PTPRD: variants seen among roughly 807,000 people sequenced by gnomAD.
The protein encoded by PTPRD is receptor-type tyrosine-protein phosphatase delta.
Under a neutral mutation model 214.5 loss-of-function variants are expected in PTPRD, and 34 were observed. That is an observed-to-expected ratio of 0.16 (90% CI 0.12 to 0.21). The LOEUF (loss-of-function observed/expected upper bound fraction) is 0.21, where lower values mean the gene tolerates loss of function less well. Among genes scored for constraint, PTPRD ranks in the 10% least tolerant of loss-of-function variants. PTPRD has a pLI of 1.00. For missense variants in PTPRD, 2,545 were observed against 2,398.7 expected, an observed-to-expected ratio of 1.06 and a Z score of -1.27; for synonymous variants, 1,128 against 845.7, an observed-to-expected ratio of 1.33 and a Z score of -5.79.
chr9:8,757,071 G>A (rs1374026836), intron 11 of PTPRD, among the ~76,000 whole-genome samples: 2 of 152,198 alleles, frequency 1.3e-5, no homozygotes, highest in African/African-American at 4.8e-5. Flanking sequence ...GAACCTGGGA[G>A]GCAGAGGTTG....
chr9:8,754,128 G>C (rs1214715657), intron 11 of PTPRD, among the ~76,000 whole-genome samples: 1 of 151,864 alleles, frequency 6.6e-6, no homozygotes, highest in African/African-American at 2.4e-5. Flanking sequence ...CTGGGTGACA[G>C]AGCGAGACTC....
intron 3 of PTPRD, among the ~76,000 whole-genome samples, chr9:10,036,950 C>T (rs924959447): frequency 4.6e-5 from 7 of 151,920 alleles, no homozygotes; most frequent in African/African-American, 1.7e-4. Context: ...GTGGCATGAT[C>T]ATGGTTTACT....
At chr9:10,502,472 T>G (rs1385840272) in intron 2 of PTPRD, among the ~76,000 whole-genome samples, 1 of 151,978 alleles carries the variant, frequency 6.6e-6, no homozygotes, top group Non-Finnish European at 1.5e-5. Context: ...CACAATAAGG[T>G]AAAAAAGTTG....
chr9:9,778,030 G>A lies in PTPRD; in HGVS notation c.-367-11179C>T, dbSNP rs1597511178. 5.3e-5 allele frequency among the ~76,000 whole-genome samples: 8 copies of A among 152,326 alleles called. 1 individual carries two copies. In the South Asian group the frequency reaches 1.7e-3, roughly 32 times the overall value. On this transcript the variant is annotated intron_variant, in intron 5 of 45. Transcript: ENST00000381196. ...ATTCCTCAAGAAAGGCAGTGATAGA[G>A]AGGGGAGACAAGATGGCTGAAGAGA...
At chr9:10,395,283 G>T (rs1269681222) in intron 2 of PTPRD, among the ~76,000 whole-genome samples, 1 of 149,732 alleles carries the variant, frequency 6.7e-6, no homozygotes, top group Non-Finnish European at 1.5e-5. Context: ...CCCAGTGTGT[G>T]AGGCTTCCCT....
intron 3 of PTPRD, among the ~76,000 whole-genome samples, chr9:10,135,640 G>T (rs1203209442): frequency 6.6e-6 from 1 of 152,042 alleles, no homozygotes; most frequent in African/African-American, 2.4e-5. Context: ...AGTTCCACAA[G>T]TGAAGAAGAA....
intron 2 of PTPRD, among the ~76,000 whole-genome samples, chr9:10,422,752 G>A (rs956784875): frequency 2.6e-5 from 4 of 152,086 alleles, no homozygotes; most frequent in Non-Finnish European, 5.9e-5. Context: ...AAACCACAAT[G>A]AGATACTATC....
chr9:8,757,641 TACATACATATATAC>T lies in PTPRD; in HGVS notation c.-103-23709_-103-23696del, dbSNP rs1329432842. ...TTCTGCATATATATATATATATATATACATACATATATACATATATATATACATACATATATATA... is the reference window on the plus strand; with the variant it reads ...TTCTGCATATATATATATATATATATATATATATATACATACATATATATA... On this transcript the variant is annotated intron_variant, in intron 11 of 45. Coordinates refer to ENST00000381196, the MANE Select transcript of PTPRD (RefSeq NM_002839.4). Among the ~76,000 whole-genome samples the T allele has an allele frequency of 8.7e-3, 1,230 of 141,242 alleles. 23 individuals carry two copies. Among genetic ancestry groups the T allele is most frequent in the African/African-American group, 0.024 (875 of 35,876 alleles). The allele number at this position is 141,242 out of a possible 152,430, so 92.7% of individuals were successfully genotyped here.
At chr9:10,344,496 T>C (rs2097025109) in intron 2 of PTPRD, among the ~76,000 whole-genome samples, 1 of 152,164 alleles carries the variant, frequency 6.6e-6, no homozygotes, top group African/African-American at 2.4e-5. Context: ...TTGCTTAGGA[T>C]TGTCTTGGCA....
At chr9:10,049,811 G>A (rs892446149) in intron 3 of PTPRD, among the ~76,000 whole-genome samples, 4 of 152,124 alleles carry the variant, frequency 2.6e-5, no homozygotes, top group African/African-American at 9.7e-5. Flanking sequence ...ATGCTTGTAG[G>A]CCAAGTCCTT....
intron 3 of PTPRD, among the ~76,000 whole-genome samples, chr9:10,311,876 C>T (rs635925): frequency 2.6e-5 from 4 of 151,790 alleles, no homozygotes; most frequent in African/African-American, 9.7e-5. Context: ...GGTGTGAGAT[C>T]GAATTGTCAG....
intron 10 of PTPRD, among the ~76,000 whole-genome samples, chr9:9,117,220 G>C (rs1044297871): frequency 1.5e-5 from 2 of 134,280 alleles, no homozygotes; most frequent in African/African-American, 5.8e-5. Context: ...AGGAAATTAA[G>C]TTTTTTTTTT....
intron 9 of PTPRD, among the ~76,000 whole-genome samples, chr9:9,199,195 A>AAT (rs1266986595): frequency 2.6e-5 from 4 of 152,216 alleles, no homozygotes; most frequent in Non-Finnish European, 4.4e-5. Flanking sequence ...GGTATTTTGT[A>AAT]ATATATATAT....
chr9:9,709,054 C>T (rs1241721276), intron 7 of PTPRD, among the ~76,000 whole-genome samples: 2 of 151,810 alleles, frequency 1.3e-5, no homozygotes, highest in Non-Finnish European at 2.9e-5. Context: ...GAATGAATGT[C>T]AATAGTTTAA....
At chr9:8,354,758 C>T (rs770137579) in intron 39 of PTPRD, among the ~76,000 whole-genome samples, 3 of 152,162 alleles carry the variant, frequency 2.0e-5, no homozygotes, top group Non-Finnish European at 4.4e-5. Flanking sequence ...TCACTTCCAC[C>T]AATGGGAGTT....
At chr9:8,756,893 C>T (rs2094028609) in intron 11 of PTPRD, among the ~76,000 whole-genome samples, 2 of 152,132 alleles carry the variant, frequency 1.3e-5, no homozygotes, top group South Asian at 4.1e-4. Flanking sequence ...GTAATCCCAG[C>T]ACCTTGGGAG....
intron 12 of PTPRD, among the ~76,000 whole-genome samples, chr9:8,694,570 A>G (rs753537126): frequency 8.0e-5 from 12 of 149,806 alleles, no homozygotes; most frequent in Non-Finnish European, 1.6e-4. Context: ...AAAAATGACA[A>G]ACAACAATAC....
At chr9:10,022,688 T>C (rs1218079977) in intron 4 of PTPRD, among the ~76,000 whole-genome samples, 3 of 152,164 alleles carry the variant, frequency 2.0e-5, no homozygotes, top group Non-Finnish European at 4.4e-5. Flanking sequence ...TTTATTGTGG[T>C]TTATGTAGAT....
chr9:9,403,248 G>A (rs1289976807), intron 8 of PTPRD, among the ~76,000 whole-genome samples: 2 of 112,054 alleles, frequency 1.8e-5, no homozygotes, highest in African/African-American at 7.1e-5. Context: ...CTGACATTGT[G>A]CCACTATACT....
Sources: gnomAD v4.1 joint callset for allele counts (sites outside exome capture counted in the v4.1 genomes callset) on GRCh38, gnomAD v4.1.1 for gene constraint, MANE v1.5 for transcripts, NCBI Gene and HGNC (gene_info 2026-07-23, HGNC 2026-07-21) for gene names.